FSCN1: variants seen among roughly 807,000 people sequenced by gnomAD.
The protein encoded by FSCN1 is fascin.
FSCN1 carries 10 observed loss-of-function variants against 39.7 expected under a neutral mutation model. The ratio of observed to expected loss-of-function variants is 0.25; its 90% CI spans 0.16 to 0.43. FSCN1 has a LOEUF of 0.43. Among genes scored for constraint, FSCN1 ranks in the 20% least tolerant of loss-of-function variants. The pLI, the probability that FSCN1 is intolerant of heterozygous loss-of-function variation, is 1.00. For missense variants in FSCN1, 525 were observed against 723.8 expected (o/e 0.73, Z 3.15); for synonymous variants, 322 against 320.0 (o/e 1.01, Z -0.07).
In FSCN1 at chr7:5,592,998, A is replaced by G. The variant is rs766213052; in HGVS notation, c.62A>G (p.Asn21Ser). The G allele has an allele frequency of 8.1e-6, 13 of 1,595,676 alleles. No individual in the cohort carries two copies. Among genetic ancestry groups the G allele is most frequent in the Middle Eastern group, 3.4e-4 (2 of 5,910 alleles). ...CAGTTCGGCCTCATCAACTGCGGCA[A>G]CAAGTACCTGACGGCCGAGGCGTTC... ...QIQFGLINCG[N>S]KYLTAEAFGF... Residue 21 changes from asparagine to serine, a missense_variant, in exon 1 of 5, where the codon AAC (asparagine) becomes AGC (serine). Around this residue, in one of 3 missense-constraint regions of FSCN1, gnomAD observed 246 missense variants for 350.6 expected, o/e 0.70. Transcript: ENST00000382361. This position sits in a 1 kb window ranked among gnomAD's most constrained non-coding sequence, Gnocchi z 5.3.
At position 5,592,910 on chromosome 7, in the gene FSCN1, C is replaced by T. The variant is rs542638306; in HGVS notation, c.-27C>T. The stretch of plus-strand genomic sequence containing the variant: ...ACCCGCCACCCACCTCCCGGGGCCG[C>T]GCAGCGGCCTCTCGTCTACTGCCAC... On this transcript the variant is annotated 5_prime_UTR_variant, in exon 1 of 5. Coordinates refer to ENST00000382361, the MANE Select transcript of FSCN1 (RefSeq NM_003088.4). The surrounding 1 kb of genome is among the most constrained non-coding windows in gnomAD (Gnocchi z 5.3). The T allele has an allele frequency of 2.1e-6, 3 of 1,405,934 alleles. No homozygotes were observed. Among genetic ancestry groups the T allele is most frequent in the South Asian group, 2.9e-5 (2 of 68,318 alleles). 87.1% of individuals were successfully genotyped at this position (1,405,934 alleles called of 1,614,324 possible).
intron 1 of FSCN1, among the ~76,000 whole-genome samples, chr7:5,594,342 CG>C (rs1055727004): frequency 5.3e-5 from 8 of 151,752 alleles, no homozygotes; most frequent in African/African-American, 1.9e-4. Context: ...CGCTGCCGGG[CG>C]GGGTCGGCCT....
rs1785709267 is a variant in FSCN1, at chr7:5,595,209, TGGCAGTGGGGGTGAGGGTGGA to T, written c.832+1445_832+1465del. ...CTGCAGGAGGGGGAAAGACCCCCCA[TGGCAGTGGGGGTGAGGGTGGA>T]GGCCTGGGTGGGGTAATGGCCATTT... On this transcript the variant is annotated intron_variant, in intron 1 of 4. Coordinates refer to ENST00000382361, the MANE Select transcript of FSCN1 (RefSeq NM_003088.4). 2.0e-5 allele frequency among the ~76,000 whole-genome samples: 3 copies of T among 152,250 alleles called. No homozygotes were observed. The South Asian group carries it at 6.2e-4, about 32-fold the overall frequency.
At chr7:5,597,535 C>T (rs1332437518) in intron 1 of FSCN1, among the ~76,000 whole-genome samples, 6 of 151,266 alleles carry the variant, frequency 4.0e-5, no homozygotes, top group African/African-American at 1.2e-4. Context: ...GGCGTGGTGG[C>T]GCATGCCTGT....
chr7:5,601,789 A>G (rs1207318353), intron 1 of FSCN1, among the ~76,000 whole-genome samples: 5 of 152,108 alleles, frequency 3.3e-5, no homozygotes, highest in Non-Finnish European at 5.9e-5. Context: ...ACAGTGAGCT[A>G]TGATTGTGCC....
chr7:5,592,899 T>C lies in FSCN1; in HGVS notation c.-38T>C. The C allele has an allele frequency of 7.4e-7, 1 of 1,345,084 alleles. No homozygotes were observed. The highest frequency in any genetic ancestry group is 9.9e-7 in the Non-Finnish European group (1 of 1,005,040). 83.3% of individuals were successfully genotyped at this position (1,345,084 alleles called of 1,614,324 possible). On this transcript the variant is annotated 5_prime_UTR_variant, in exon 1 of 5. Coordinates refer to ENST00000382361, the MANE Select transcript of FSCN1 (RefSeq NM_003088.4). This position sits in a 1 kb window ranked among gnomAD's most constrained non-coding sequence, Gnocchi z 5.3. ...CCGCCGCAGGGACCCGCCACCCACC[T>C]CCCGGGGCCGCGCAGCGGCCTCTCG...
rs946366448 is a variant in FSCN1 at position 5,603,567 on chromosome 7, T to C, written c.1061T>C (p.Phe354Ser). The C allele has an allele frequency of 1.2e-6, 2 of 1,613,990 alleles. No individual in the cohort carries two copies. Among genetic ancestry groups the C allele is most frequent in the Non-Finnish European group, 1.7e-6 (2 of 1,179,998 alleles). Residue 354 changes from phenylalanine (F) to serine (S), a missense_variant, in exon 3 of 5, where the codon TTT becomes TCT. By Grantham distance (155) the Phe-to-Ser change is radical (BLOSUM62 -2). Transcript: ENST00000382361. This position sits in a 1 kb window ranked among gnomAD's most constrained non-coding sequence, Gnocchi z 8.5. ...ACACTGAGGGCGTCCAATGGCAAGT[T>C]TGTGACCTCCAAGAAGAATGGGCAG... ...RITLRASNGK[F>S]VTSKKNGQLA...
intron 4 of FSCN1, among the ~76,000 whole-genome samples, chr7:5,604,302 A>AAGGGGAGGGAGGAGAGC (rs1475470438): frequency 6.7e-6 from 1 of 148,556 alleles, no homozygotes; most frequent in East Asian, 2.1e-4. Context: ...GAGAGCAGGG[A>AAGGGGAGGGAGGAGAGC]AGGGGAGGGA....
In FSCN1 at chr7:5,599,745, G is replaced by A. The variant is rs139455478; in HGVS notation, c.833-3512G>A. 4.6e-5 allele frequency among the ~76,000 whole-genome samples: 7 copies of A among 152,172 alleles called. No individual in the cohort carries two copies. Among genetic ancestry groups the A allele is most frequent in the Non-Finnish European group, 7.4e-5 (5 of 67,984 alleles). ...CCTTTGAGCCCAGGAGGTGGAGGCTGTAGAGAGCCATGCTTGGGCCACTTG... is the reference window on the plus strand; with the variant it reads ...CCTTTGAGCCCAGGAGGTGGAGGCTATAGAGAGCCATGCTTGGGCCACTTG... On this transcript the variant is annotated intron_variant, in intron 1 of 4. Coordinates refer to ENST00000382361, the MANE Select transcript of FSCN1 (RefSeq NM_003088.4). The surrounding 1 kb of genome is among the most constrained non-coding windows in gnomAD (Gnocchi z 5.6).
chr7:5,596,285 G>A (rs949988164), intron 1 of FSCN1, among the ~76,000 whole-genome samples: 6 of 152,156 alleles, frequency 3.9e-5, no homozygotes, highest in Non-Finnish European at 7.4e-5. Context: ...TGGCAGGGGG[G>A]ATGTGAATCA....
chr7:5,604,932 C>T lies in FSCN1; in HGVS notation c.1280-340C>T, dbSNP rs1363456360. ...GTTTATAGGTGTGAGCCACCACACC[C>T]GGCTAATTGTTTTGTATTTTTAGTA... On this transcript the variant is annotated intron_variant, in intron 4 of 4. Transcript: ENST00000382361. Among the ~76,000 whole-genome samples the T allele has an allele frequency of 4.6e-5, 7 of 152,020 alleles. 1 individual carries two copies. The South Asian group carries it at 1.3e-3, about 27-fold the overall frequency.
In FSCN1 at chr7:5,592,901, C is replaced by G. The variant is rs767234948; in HGVS notation, c.-36C>G. ...GCCGCAGGGACCCGCCACCCACCTC[C>G]CGGGGCCGCGCAGCGGCCTCTCGTC... is the stretch of plus-strand genomic sequence containing the variant. On this transcript the variant is annotated 5_prime_UTR_variant, in exon 1 of 5. Transcript: ENST00000382361. The surrounding 1 kb of genome is among the most constrained non-coding windows in gnomAD (Gnocchi z 5.3). 2 of 1,361,946 alleles carry G rather than the reference C, an allele frequency of 1.5e-6. No individual in the cohort carries two copies. Among genetic ancestry groups the G allele is most frequent in the African/African-American group, 3.0e-5 (2 of 67,146 alleles). 84.4% of individuals were successfully genotyped at this position (1,361,946 alleles called of 1,614,324 possible).
Position 5,603,693 on chromosome 7 carries a change from G to A in FSCN1, c.1111+76G>A. 1 of 1,597,026 alleles carries A rather than the reference G, an allele frequency of 6.3e-7. No individual in the cohort carries two copies. Among genetic ancestry groups the A allele is most frequent in the South Asian group, 1.1e-5 (1 of 90,038 alleles). On this transcript the variant is annotated intron_variant, in intron 3 of 4. Transcript: ENST00000382361. This position sits in a 1 kb window ranked among gnomAD's most constrained non-coding sequence, Gnocchi z 8.5. Reference sequence around the variant, plus strand: ...CTGGCCATGCCGTGGTCACTTGGTAGCCCCAGCCAAGGCCTGCTCTGTGCT... The same window carrying A: ...CTGGCCATGCCGTGGTCACTTGGTAACCCCAGCCAAGGCCTGCTCTGTGCT...
At position 5,603,484 on chromosome 7, in the gene FSCN1, G is replaced by T. The variant is rs201344792; in HGVS notation, c.990-12G>T. On this transcript the variant is annotated splice_polypyrimidine_tract_variant and intron_variant, in intron 2 of 4. Coordinates refer to ENST00000382361, the MANE Select transcript of FSCN1 (RefSeq NM_003088.4). This position sits in a 1 kb window ranked among gnomAD's most constrained non-coding sequence, Gnocchi z 8.5. ...GGGCTACCCCGCCTGACCCTGTCCC[G>T]CCATCCCCCAGGAATGCCAGCTGCT... The T allele has an allele frequency of 6.2e-7, 1 of 1,613,868 alleles. No homozygotes were observed. The highest frequency in any genetic ancestry group is 8.5e-7 in the Non-Finnish European group (1 of 1,180,000).
chr7:5,600,839 T>C (rs1785815940), intron 1 of FSCN1, among the ~76,000 whole-genome samples: 1 of 151,724 alleles, frequency 6.6e-6, no homozygotes, highest in South Asian at 2.1e-4. Context: ...TTTTGTATTA[T>C]TAATAGAGAC....
In FSCN1 at chr7:5,597,842, G is replaced by C. The variant is rs544776453; in HGVS notation, c.832+4074G>C. Among the ~76,000 whole-genome samples, 7 of 152,208 alleles carry C rather than the reference G, an allele frequency of 4.6e-5. 1 individual carries two copies. In the South Asian group the frequency reaches 1.5e-3, roughly 32 times the overall value. ...CAGGGCTAGACCTCTCTGGAAGGAG[G>C]AGGGAGAGGTACCCGTGGGCCCGGC... On this transcript the variant is annotated intron_variant, in intron 1 of 4. Transcript: ENST00000382361.
chr7:5,604,043 G>A lies in FSCN1; in HGVS notation c.1279+13G>A. ...TACAACATCAAAGGCAGGTTCTCCT[G>A]TGGGCAGCTGCTGGGCAGGGAACCC... On this transcript the variant is annotated intron_variant, in intron 4 of 4. Coordinates refer to ENST00000382361, the MANE Select transcript of FSCN1 (RefSeq NM_003088.4). 1.9e-6 allele frequency: 3 copies of A among 1,611,346 alleles called. No individual in the cohort carries two copies. The highest frequency in any genetic ancestry group is 2.5e-6 in the Non-Finnish European group (3 of 1,179,106).
At chr7:5,600,103 A>G (rs1164917561) in intron 1 of FSCN1, among the ~76,000 whole-genome samples, 2 of 152,146 alleles carry the variant, frequency 1.3e-5, no homozygotes, top group African/African-American at 4.8e-5. Flanking sequence ...ATGCAAAGCA[A>G]TGTAGTTATA....
At position 5,592,945 on chromosome 7, in the gene FSCN1, C is replaced by G; in HGVS notation, c.9C>G (p.Ala3=). The G allele has an allele frequency of 6.5e-7, 1 of 1,535,278 alleles. No individual in the cohort carries two copies. Among genetic ancestry groups the G allele is most frequent in the Non-Finnish European group, 8.8e-7 (1 of 1,140,686 alleles). MT[A]NGTAEAVQIQ... ...TCTCGTCTACTGCCACCATGACCGC[C>G]AACGGCACAGCCGAGGCGGTGCAGA... The change falls in exon 1 of 5, where the codon GCC becomes GCG. Residue 3 remains alanine, a synonymous_variant. Coordinates refer to ENST00000382361, the MANE Select transcript of FSCN1 (RefSeq NM_003088.4). This position sits in a 1 kb window ranked among gnomAD's most constrained non-coding sequence, Gnocchi z 5.3.
Sources: allele counts gnomAD v4.1 joint callset (sites outside exome capture counted in the v4.1 genomes callset), GRCh38; gene constraint gnomAD v4.1.1; regional missense constraint gnomAD v4.1.1; non-coding constraint Gnocchi (gnomAD v3.1); transcripts MANE v1.5; gene names NCBI Gene and HGNC (gene_info 2026-07-23, HGNC 2026-07-21).